The following ARR3 variants were observed in gnomAD, a reference collection of about 807,000 sequenced individuals.
The protein encoded by ARR3 is arrestin-C.
In ARR3, 14 loss-of-function variants were observed where a neutral mutation model predicts 35.4. The ratio of observed to expected loss-of-function variants is 0.40; its 90% confidence interval spans 0.26 to 0.62. ARR3 has a LOEUF of 0.62. ARR3 is among the 20% of genes least tolerant of loss of function. ARR3 has a pLI of 0.46. For missense variants in ARR3, 259 were observed against 303.8 expected, an observed-to-expected ratio of 0.85 and a Z score of 1.10; for synonymous variants, 97 against 119.1, an observed-to-expected ratio of 0.81 and a Z score of 1.21.
chrX:70,269,787 G>C, intron 3 of ARR3, 56 bp from the exon 4 acceptor site: 1 of 1,192,942 alleles, frequency 8.4e-7, no homozygotes, highest in Non-Finnish European at 1.1e-6. Flanking sequence ...GGGGGTTTCA[G>C]GGGAATCCAT....
intron 8 of ARR3, among the ~76,000 whole-genome samples, 187 bp from the exon 9 acceptor site, chrX:70,277,207 T>G (rs1237507482): frequency 8.8e-6 from 1 of 113,166 alleles, no homozygotes; most frequent in Non-Finnish European, 1.9e-5. Flanking sequence ...AGGCCAGATT[T>G]GGCCAGTGGG....
chrX:70,273,909 C>A (rs2085640736), intron 5 of ARR3, among the ~76,000 whole-genome samples: 1 of 111,000 alleles, frequency 9.0e-6, no homozygotes, highest in African/African-American at 3.3e-5. Context: ...GTACTCATCA[C>A]CAAGCTTTAA....
chrX:70,280,526 C>T (rs944134143), intron 13 of ARR3, 33 bp from the exon 14 acceptor site: 13 of 1,178,461 alleles, frequency 1.1e-5, no homozygotes, highest in African/African-American at 5.4e-5. Context: ...CTCTATTTCC[C>T]GCTGCTAATT....
Position 70,280,283 on chromosome X carries a change from G to A in ARR3, c.989+5G>A. 8.3e-7 allele frequency: 1 copy of A among 1,207,617 alleles called. No homozygotes were observed. Among genetic ancestry groups the A allele is most frequent in the Non-Finnish European group, 1.1e-6 (1 of 891,933 alleles). On this transcript the variant is annotated splice_donor_5th_base_variant and intron_variant, in intron 13 of 16. Coordinates refer to ENST00000307959, the MANE Select transcript of ARR3 (RefSeq NM_004312.3). Reference sequence around the variant, plus strand: ...CCTGATGGTGTCCTGTGGTGGGTAAGTGAGGGTTCTGGGTCTGTCTGGGCA... The same window carrying A: ...CCTGATGGTGTCCTGTGGTGGGTAAATGAGGGTTCTGGGTCTGTCTGGGCA...
At chrX:70,269,539 T>G (rs1179145788) in intron 2 of ARR3, 123 bp from the exon 3 acceptor site, 2 of 999,933 alleles carry the variant, frequency 2.0e-6, no homozygotes, top group African/African-American at 3.9e-5. Context: ...TGCCCCATCC[T>G]ATGCTCCTGG....
chrX:70,276,581 G>A, intron 7 of ARR3, 88 bp from the exon 8 acceptor site: 2 of 1,172,021 alleles, frequency 1.7e-6, no homozygotes, highest in East Asian at 3.0e-5. Flanking sequence ...GGACAGCTAA[G>A]GAAAGAGGTC....
At position 70,269,823 on chromosome X, in the gene ARR3, G is replaced by A. The variant is rs1250566991; in HGVS notation, c.40-20G>A. 1.0e-5 allele frequency: 12 copies of A among 1,202,921 alleles called. No individual in the cohort carries two copies. The highest frequency in any genetic ancestry group is 1.3e-5 in the Non-Finnish European group (12 of 891,422). On this transcript the variant is annotated intron_variant, in intron 3 of 16. Transcript: ENST00000307959. ...TCAAAAATGATTGTGAGAATAACAT[G>A]GGAAGTTGTTCCACAACAGCTCTCC...
At chrX:70,269,636 T>C (rs1175910722) in intron 2 of ARR3, 26 bp from the exon 3 acceptor site, 5 of 1,202,279 alleles carry the variant, frequency 4.2e-6, no homozygotes, top group Non-Finnish European at 5.6e-6. Context: ...CCCCTCTCCA[T>C]CCTCTTTCTG....
intron 2 of ARR3, 83 bp from the exon 3 acceptor site, chrX:70,269,579 C>T (rs756083016): frequency 1.1e-5 from 12 of 1,102,423 alleles, no homozygotes; most frequent in Middle Eastern, 2.4e-4. Flanking sequence ...AAGAATATTT[C>T]TTTTTCTCCC....
rs142168293 is a variant in ARR3, at chrX:70,270,108, G to A, written c.109G>A (p.Val37Ile). The stretch of plus-strand genomic sequence containing the variant: ...TGTCCTTCTCTCCACAGACGGTGTT[G>A]TCCTGGTTGATCCTGAGTACTTAAA... ...VDTVEPIDGV[V>I]LVDPEYLKCR... The change falls in exon 5 of 17, where the codon GTC (valine) becomes ATC (isoleucine). Residue 37 changes from valine (V) to isoleucine (I), a missense_variant. Coordinates refer to ENST00000307959, the MANE Select transcript of ARR3 (RefSeq NM_004312.3). 1 of 1,212,073 alleles carries A rather than the reference G, an allele frequency of 8.3e-7. No homozygotes were observed. Among genetic ancestry groups the A allele is most frequent in the African/African-American group, 1.7e-5 (1 of 57,944 alleles).
At chrX:70,269,431 C>A in intron 2 of ARR3, 38 bp downstream of exon 2, 1 of 1,130,898 alleles carries the variant, frequency 8.8e-7, no homozygotes, top group African/African-American at 1.8e-5. Context: ...CTGTGAATTG[C>A]TCCCTACCCC....
intron 16 of ARR3, 73 bp from the exon 17 acceptor site, chrX:70,281,602 GA>G: frequency 1.1e-6 from 1 of 917,935 alleles, no homozygotes; most frequent in Non-Finnish European, 1.5e-6. Flanking sequence ...CTGGGATCAG[GA>G]AAAAAGAGTG....
chrX:70,281,006 G>GGT, intron 15 of ARR3, 93 bp from the exon 16 acceptor site: 3 of 972,530 alleles, frequency 3.1e-6, no homozygotes, highest in Non-Finnish European at 4.2e-6. Context: ...GGAAGTTGGG[G>GGT]GGGGGGGAAG....
chrX:70,281,015 A>T lies in ARR3; in HGVS notation c.1067-84A>T, dbSNP rs1485090946. The T allele has an allele frequency of 5.1e-6, 5 of 979,998 alleles. No individual in the cohort carries two copies. The African/African-American group carries it at 6.5e-5, about 13-fold the overall frequency. 80.8% of individuals were successfully genotyped at this position (979,998 alleles called of 1,213,427 possible). ...GGATTGGGAAGTTGGGGGGGGGGGA[A>T]GTAAAGATACTTCTTCAGGGAACCG... On this transcript the variant is annotated intron_variant, in intron 15 of 16. Coordinates refer to ENST00000307959, the MANE Select transcript of ARR3 (RefSeq NM_004312.3).
At chrX:70,273,010 G>A (rs1343115532) in intron 5 of ARR3, among the ~76,000 whole-genome samples, 5 of 110,514 alleles carry the variant, frequency 4.5e-5, no homozygotes, top group Non-Finnish European at 1.9e-5. Flanking sequence ...CCTGTACTTG[G>A]ACAGGTATCC....
In ARR3 at chrX:70,278,088, C is replaced by T. The variant is rs755474235; in HGVS notation, c.717C>T (p.Val239=). The change falls in exon 11 of 17, where the codon GTC becomes GTT. Residue 239 remains valine, a synonymous_variant. Transcript: ENST00000307959. ...KISVDQITDV[V]LYSLDKYTKT... Reference sequence around the variant, plus strand: ...CAGTTGACCAGATCACAGATGTTGTCCTGTATTCACTAGACAAGTACACCA... The same window carrying T: ...CAGTTGACCAGATCACAGATGTTGTTCTGTATTCACTAGACAAGTACACCA... 3 of 1,210,443 alleles carry T rather than the reference C, an allele frequency of 2.5e-6. No homozygotes were observed. In the South Asian group the frequency reaches 5.3e-5, roughly 21 times the overall value.
At position 70,277,523 on chromosome X, in the gene ARR3, C is replaced by T. The variant is rs1220365150; in HGVS notation, c.603C>T (p.Asp201=). 8.3e-7 allele frequency: 1 copy of T among 1,207,597 alleles called. No homozygotes were observed. The highest frequency in any genetic ancestry group is 1.1e-6 in the Non-Finnish European group (1 of 894,220). The change falls in exon 9 of 17, where the codon GAC becomes GAT. Residue 201 remains aspartate, a synonymous_variant. Transcript: ENST00000307959. ...AQPLQLQAWM[D]REVHYHGEPI... ...CCCTACAACTCCAGGCCTGGATGGA[C>T]AGGGAGGTTTGTGACCCCCACTTTT... is the stretch of plus-strand genomic sequence containing the variant.
intron 13 of ARR3, 80 bp downstream of exon 13, chrX:70,280,358 T>C (rs2085674535): frequency 4.7e-6 from 5 of 1,055,516 alleles, no homozygotes; most frequent in African/African-American, 1.8e-5. Flanking sequence ...CCCAGTTAGA[T>C]TGACCCAATC....
Position 70,277,721 on chromosome X carries a change from C to T in ARR3, c.615C>T (p.His205=), listed in dbSNP as rs972939818. The T allele has an allele frequency of 2.2e-5, 26 of 1,207,940 alleles. No individual in the cohort carries two copies. Among genetic ancestry groups the T allele is most frequent in the Non-Finnish European group, 2.7e-5 (24 of 893,783 alleles). ...GGTCCCCGCTCCTGCTTTAGGTTCA[C>T]TACCACGGAGAACCCATCTCTGTCA... is the stretch of plus-strand genomic sequence containing the variant. ...QLQAWMDREV[H]YHGEPISVNV... The change falls in exon 10 of 17, where the codon CAC becomes CAT. Residue 205 remains histidine, a synonymous_variant. Coordinates refer to ENST00000307959, the MANE Select transcript of ARR3 (RefSeq NM_004312.3).
Sources: gnomAD v4.1 joint callset for allele counts (sites outside exome capture counted in the v4.1 genomes callset) on GRCh38, gnomAD v4.1.1 for gene constraint, MANE v1.5 for transcripts, NCBI Gene and HGNC (gene_info 2026-07-23, HGNC 2026-07-21) for gene names.